The following TMEM116 variants were observed in gnomAD, a reference collection of about 807,000 sequenced individuals.
The protein encoded by TMEM116 is transmembrane protein 116.
TMEM116 carries 38 observed loss-of-function variants against 44.3 expected under a neutral mutation model. The ratio of observed to expected loss-of-function variants is 0.86; its 90% confidence interval spans 0.66 to 1.12. The LOEUF is 1.12. Ranked by LOEUF, TMEM116 falls within the 50% of genes most tolerant of loss-of-function variation. The pLI is 0.00. For missense variants in TMEM116, 354 were observed against 401.7 expected, an observed-to-expected ratio of 0.88 and a Z score of 1.01; for synonymous variants, 132 against 144.8, an observed-to-expected ratio of 0.91 and a Z score of 0.64.
At chr12:111,938,493 C>T (rs3752632) in intron 5 of TMEM116, among the ~76,000 whole-genome samples, 40,770 of 152,040 alleles carry the variant, frequency 0.27, 7,129 homozygotes, top group East Asian at 0.85. Context: ...GGACTTTGGG[C>T]ACTCAAACAA....
rs759583297 is a variant in TMEM116, at chr12:111,940,523, G to GTATATATATATATA, written c.316-2327_316-2314dup. On this transcript the variant is annotated intron_variant, in intron 5 of 10. Transcript: ENST00000552374. Reference sequence around the variant, plus strand: ...CATATATATACACACATATATATGTGTATATATATATATATATATATACAC... The same window carrying GTATATATATATATA: ...CATATATATACACACATATATATGTGTATATATATATATATATATATATATATATATATATACAC... 3.7e-3 allele frequency among the ~76,000 whole-genome samples: 383 copies of GTATATATATATATA among 104,766 alleles called. 8 individuals carry two copies. In the East Asian group the frequency reaches 0.051, roughly 14 times the overall value. The allele number at this position is 104,766 out of a possible 152,430, so 68.7% of individuals were successfully genotyped here. A position where few individuals can be genotyped will look rare whatever the true frequency, so the allele number is the denominator to read the frequency against.
At chr12:111,950,286 T>A (rs1461005088) in intron 4 of TMEM116, among the ~76,000 whole-genome samples, 2 of 152,012 alleles carry the variant, frequency 1.3e-5, no homozygotes, top group Non-Finnish European at 2.9e-5. Flanking sequence ...GATGAGAAAT[T>A]GATGCCTTTA....
rs774896660 is a variant in TMEM116, at chr12:112,013,112, T to C, written c.-144A>G. On this transcript the variant is annotated 5_prime_UTR_variant, in exon 1 of 11. Transcript: ENST00000552374. The stretch of plus-strand genomic sequence containing the variant: ...AGGAAGGACAGCAAACGAATTGCTA[T>C]AGCGTCCCCATGCGCACTTGGCGCT... 1.5e-5 allele frequency: 4 copies of C among 263,476 alleles called. No individual in the cohort carries two copies. Among genetic ancestry groups the C allele is most frequent in the Admixed American group, 5.4e-5 (1 of 18,422 alleles). 16.3% of individuals were successfully genotyped at this position (263,476 alleles called of 1,614,324 possible).
chr12:111,955,714 G>A (rs1285678859), intron 4 of TMEM116, among the ~76,000 whole-genome samples: 2 of 152,186 alleles, frequency 1.3e-5, no homozygotes, highest in East Asian at 3.8e-4. Flanking sequence ...TCGGTCAACA[G>A]CAGACCGCAT....
chr12:111,997,250 C>G (rs1565960304), intron 3 of TMEM116, among the ~76,000 whole-genome samples: 1 of 152,114 alleles, frequency 6.6e-6, no homozygotes, highest in Non-Finnish European at 1.5e-5. Flanking sequence ...TAAAAAAATA[C>G]ATTTACAAAT....
chr12:111,975,382 G>T (rs574992940), intron 4 of TMEM116, among the ~76,000 whole-genome samples: 2 of 152,128 alleles, frequency 1.3e-5, no homozygotes, highest in South Asian at 4.2e-4. Flanking sequence ...TCTTGAACTC[G>T]TGGGCTCAAG....
intron 4 of TMEM116, among the ~76,000 whole-genome samples, chr12:111,947,037 T>C (rs2073340590): frequency 6.6e-6 from 1 of 152,198 alleles, no homozygotes; most frequent in African/African-American, 2.4e-5. Flanking sequence ...AAATTCTTGA[T>C]AACTGGCCTA....
chr12:111,939,836 AAAAAG>A (rs1486945454), intron 5 of TMEM116, among the ~76,000 whole-genome samples: 13 of 150,888 alleles, frequency 8.6e-5, no homozygotes, highest in Admixed American at 2.7e-4. Context: ...TCAAAAAAAT[AAAAAG>A]AAAAGAAAAC....
At chr12:112,000,405 T>A (rs1227665493) in intron 3 of TMEM116, among the ~76,000 whole-genome samples, 1 of 152,154 alleles carries the variant, frequency 6.6e-6, no homozygotes, top group East Asian at 1.9e-4. Context: ...AAAATAACTT[T>A]AAAAACAGAA....
At chr12:111,994,208 A>G (rs1207813214) in intron 3 of TMEM116, among the ~76,000 whole-genome samples, 1 of 152,218 alleles carries the variant, frequency 6.6e-6, no homozygotes, top group Non-Finnish European at 1.5e-5. Flanking sequence ...AGAGTTTCAA[A>G]TTTACTATTG....
At chr12:111,975,661 A>T (rs973340037) in intron 4 of TMEM116, among the ~76,000 whole-genome samples, 1 of 152,172 alleles carries the variant, frequency 6.6e-6, no homozygotes, top group Non-Finnish European at 1.5e-5. Context: ...TCCTATCCTT[A>T]TAGCAAGAAA....
intron 4 of TMEM116, among the ~76,000 whole-genome samples, chr12:111,982,072 T>G (rs2075971857): frequency 6.6e-6 from 1 of 152,108 alleles, no homozygotes; most frequent in South Asian, 2.1e-4. Context: ...TCAAAGTATA[T>G]AAAATTTCAG....
intron 5 of TMEM116, among the ~76,000 whole-genome samples, chr12:111,939,576 T>A (rs1420284691): frequency 1.3e-5 from 2 of 149,732 alleles, no homozygotes; most frequent in Admixed American, 1.3e-4. Context: ...GGCAGAAGGA[T>A]CACTTGAGCC....
chr12:112,008,208 C>T (rs775240993), intron 1 of TMEM116, among the ~76,000 whole-genome samples: 3 of 152,094 alleles, frequency 2.0e-5, no homozygotes, highest in Non-Finnish European at 4.4e-5. Context: ...AAAGGCTGGG[C>T]GCGGTGGCTC....
At chr12:111,993,709 T>C (rs897279307) in intron 3 of TMEM116, 19 of 629,052 alleles carry the variant, frequency 3.0e-5, no homozygotes, top group East Asian at 6.4e-5. Context: ...TGTTGAAGCA[T>C]TGTACAAGTT....
intron 4 of TMEM116, among the ~76,000 whole-genome samples, chr12:111,977,094 C>A (rs898624217): frequency 2.0e-5 from 3 of 152,044 alleles, no homozygotes; most frequent in Non-Finnish European, 4.4e-5. Flanking sequence ...TAATGACAGA[C>A]ACCAAATCAC....
In TMEM116 at chr12:111,979,221, T is replaced by C. The variant is rs375306145; in HGVS notation, c.210+12537A>G. ...AGCACTATTTACACTAGCCAAAAGG[T>C]GAAAACAACCCTCACGTTTATGAAT... On this transcript the variant is annotated intron_variant, in intron 4 of 10. Transcript: ENST00000552374. Among the ~76,000 whole-genome samples, 9 of 152,058 alleles carry C rather than the reference T, an allele frequency of 5.9e-5. No individual in the cohort carries two copies. In the East Asian group the frequency reaches 1.2e-3, roughly 20 times the overall value.
intron 9 of TMEM116, 61 bp downstream of exon 9, chr12:111,933,825 G>C: frequency 6.3e-7 from 1 of 1,594,420 alleles, no homozygotes; most frequent in South Asian, 1.1e-5. Flanking sequence ...AGACCACTTT[G>C]CTTGATCAGA....
chr12:111,986,340 CAG>C (rs1447250369), intron 4 of TMEM116, among the ~76,000 whole-genome samples: 1 of 152,132 alleles, frequency 6.6e-6, no homozygotes, highest in Admixed American at 6.5e-5. Context: ...GACTGGGCGA[CAG>C]AGCAAGACCC....
Sources: allele counts gnomAD v4.1 joint callset (sites outside exome capture counted in the v4.1 genomes callset), GRCh38; gene constraint gnomAD v4.1.1; transcripts MANE v1.5; gene names NCBI Gene and HGNC (gene_info 2026-07-23, HGNC 2026-07-21).